The following MOB1B variants were observed in gnomAD, a reference collection of about 807,000 sequenced individuals.
MOB1B encodes the protein MOB kinase activator 1B, also known as MOB1 Mps One Binder homolog B.
In MOB1B, 19 loss-of-function variants were observed where a neutral mutation model predicts 24.4. The ratio of observed to expected loss-of-function variants is 0.78; its 90% confidence interval spans 0.54 to 1.14. The LOEUF is 1.14. MOB1B is among the 50% of genes most tolerant of loss of function. The pLI is 0.00. For missense variants in MOB1B, 243 were observed against 259.6 expected (o/e 0.94, Z 0.44); for synonymous variants, 76 against 82.1 (o/e 0.93, Z 0.40).
At chr4:70,959,102 A>T in intron 2 of MOB1B, 62 bp downstream of exon 2, 1 of 1,403,392 alleles carries the variant, frequency 7.1e-7, no homozygotes, top group East Asian at 2.3e-5. Context: ...ATTGTTGGTG[A>T]GTGTTGGTGC....
intron 1 of MOB1B, among the ~76,000 whole-genome samples, chr4:70,910,130 T>C (rs1411722711): frequency 1.3e-5 from 2 of 151,740 alleles, no homozygotes; most frequent in African/African-American, 4.8e-5. Flanking sequence ...AAACTCTGCC[T>C]CCCAGGTTCA....
chr4:70,975,793 C>T (rs1454432954), intron 4 of MOB1B: 1 of 943,844 alleles, frequency 1.1e-6, no homozygotes, highest in African/African-American at 1.8e-5. Flanking sequence ...CCATACATAA[C>T]ATATATTTTT....
At chr4:70,929,647 ATT>A (rs1306346318) in intron 1 of MOB1B, among the ~76,000 whole-genome samples, 17 of 135,220 alleles carry the variant, frequency 1.3e-4, no homozygotes, top group Admixed American at 2.2e-4. Context: ...CACCAAGCTA[ATT>A]TTTTTTTTTT....
chr4:70,923,943 A>AC (rs1736546174), intron 1 of MOB1B, among the ~76,000 whole-genome samples: 1 of 101,566 alleles, frequency 9.8e-6, no homozygotes, highest in African/African-American at 4.1e-5. Flanking sequence ...TGAGACTCAA[A>AC]AAAAAAAAAA....
chr4:70,932,944 C>T (rs1309404340), intron 1 of MOB1B, among the ~76,000 whole-genome samples: 1 of 152,066 alleles, frequency 6.6e-6, no homozygotes, highest in African/African-American at 2.4e-5. Context: ...AACGCTGGGT[C>T]ATATATCTAT....
chr4:70,905,465 T>G (rs551233433), intron 1 of MOB1B, among the ~76,000 whole-genome samples: 1 of 151,982 alleles, frequency 6.6e-6, no homozygotes, highest in Non-Finnish European at 1.5e-5. Context: ...CCCAGGCTGG[T>G]CTCCTGGGCT....
intron 1 of MOB1B, among the ~76,000 whole-genome samples, chr4:70,915,534 G>A (rs976918559): frequency 1.3e-5 from 2 of 152,274 alleles, no homozygotes; most frequent in East Asian, 1.9e-4. Context: ...CTTCAGGTAC[G>A]CCCTATATAA....
chr4:70,932,643 GA>G (rs1736929111), intron 1 of MOB1B, among the ~76,000 whole-genome samples: 1 of 152,144 alleles, frequency 6.6e-6, no homozygotes, highest in African/African-American at 2.4e-5. Flanking sequence ...TGTGATTCCA[GA>G]GCCATAGGAC....
chr4:70,918,105 T>A (rs1408673448), intron 1 of MOB1B, among the ~76,000 whole-genome samples: 3 of 152,198 alleles, frequency 2.0e-5, no homozygotes, highest in Admixed American at 1.3e-4. Flanking sequence ...ATTTTGGCAA[T>A]CCCATGTACC....
chr4:70,928,853 G>A (rs1050361248), intron 1 of MOB1B, among the ~76,000 whole-genome samples: 1 of 151,594 alleles, frequency 6.6e-6, no homozygotes, highest in Non-Finnish European at 1.5e-5. Context: ...CTCCCAAAAT[G>A]CCGATATTAC....
intron 1 of MOB1B, among the ~76,000 whole-genome samples, chr4:70,951,259 C>A (rs1381139289): frequency 2.0e-5 from 3 of 152,164 alleles, no homozygotes; most frequent in Non-Finnish European, 4.4e-5. Flanking sequence ...ACCCCGCCAA[C>A]CCCTGTGGAA....
chr4:70,938,906 T>C (rs1016487923), intron 1 of MOB1B, among the ~76,000 whole-genome samples: 1 of 151,882 alleles, frequency 6.6e-6, no homozygotes, highest in African/African-American at 2.4e-5. Context: ...GCCTCCCAGG[T>C]AGCTGGGATT....
intron 1 of MOB1B, among the ~76,000 whole-genome samples, chr4:70,929,253 A>G (rs930009958): frequency 7.4e-6 from 1 of 134,728 alleles, no homozygotes; most frequent in African/African-American, 2.8e-5. Context: ...ATCTTGGCCC[A>G]CTGCAAGCTC....
chr4:70,928,583 C>T (rs945779408), intron 1 of MOB1B, among the ~76,000 whole-genome samples: 2 of 152,026 alleles, frequency 1.3e-5, no homozygotes, highest in Non-Finnish European at 2.9e-5. Context: ...TATGAGCCAC[C>T]ACACGTGGCC....
intron 1 of MOB1B, among the ~76,000 whole-genome samples, chr4:70,941,993 ATAT>A (rs1040320619): frequency 1.4e-4 from 21 of 152,144 alleles, no homozygotes; most frequent in African/African-American, 4.3e-4. Context: ...TTATAATTTA[ATAT>A]TATTATCAAT....
intron 4 of MOB1B, 130 bp downstream of exon 4, chr4:70,975,416 C>G: frequency 2.2e-6 from 3 of 1,388,744 alleles, no homozygotes; most frequent in Non-Finnish European, 2.8e-6. Flanking sequence ...GTATATGTTA[C>G]GCAGTTCCCA....
rs28562227 is a variant in MOB1B, at chr4:70,926,264, A to T, written c.14+23714A>T. Among the ~76,000 whole-genome samples, 1,110 of 135,682 alleles carry T rather than the reference A, an allele frequency of 8.2e-3. 18 individuals are homozygous for T. Among genetic ancestry groups the T allele is most frequent in the African/African-American group, 0.026 (957 of 37,270 alleles). The allele number at this position is 135,682 out of a possible 152,430, so 89.0% of individuals were successfully genotyped here. A position where few individuals can be genotyped will look rare whatever the true frequency, so the allele number is the denominator to read the frequency against. On this transcript the variant is annotated intron_variant, in intron 1 of 5. Transcript: ENST00000309395. ...CCTCCCAAGTGCTGGGATTACAGCC[A>T]TTTTTTTTTTTTTTTTAATTAACTG...
At position 70,946,831 on chromosome 4, in the gene MOB1B, A is replaced by T. The variant is rs903680474; in HGVS notation, c.15-12043A>T. On this transcript the variant is annotated intron_variant, in intron 1 of 5. Coordinates refer to ENST00000309395, the MANE Select transcript of MOB1B (RefSeq NM_173468.4). ...TGAAACAGAAGGGGAAGGAAAAAAA[A>T]GGAGGGAGGGTAGGCAGTGAGGCAA... Among the ~76,000 whole-genome samples the T allele has an allele frequency of 4.6e-5, 7 of 152,130 alleles. No individual in the cohort carries two copies. In the South Asian group the frequency reaches 1.5e-3, roughly 32 times the overall value.
chr4:70,975,315 A>T (rs1159307067), intron 4 of MOB1B, 29 bp downstream of exon 4: 1 of 1,604,364 alleles, frequency 6.2e-7, no homozygotes, highest in Non-Finnish European at 8.5e-7. Context: ...AGGGGGATCC[A>T]TCATGATTTA....
Sources: allele counts gnomAD v4.1 joint callset (sites outside exome capture counted in the v4.1 genomes callset), GRCh38; gene constraint gnomAD v4.1.1; transcripts MANE v1.5; gene names NCBI Gene and HGNC (gene_info 2026-07-23, HGNC 2026-07-21).